EPHA5: variants seen among roughly 807,000 people sequenced by gnomAD.
EPHA5 encodes ephrin type-A receptor 5.
In EPHA5, 60 loss-of-function variants were observed where a neutral mutation model predicts 105.0. That is an observed-to-expected ratio of 0.57 (90% CI 0.46 to 0.71). The LOEUF is 0.71. Ranked by LOEUF, EPHA5 falls within the 30% of genes least tolerant of loss-of-function variation. EPHA5 has a pLI of 0.00. For synonymous variants in EPHA5, 513 were observed against 449.1 expected, an observed-to-expected ratio of 1.14 and a Z score of -1.80; for missense variants, 1,218 against 1,274.7, an observed-to-expected ratio of 0.96 and a Z score of 0.68.
chr4:65,551,430 C>T (rs1422656720), intron 3 of EPHA5, among the ~76,000 whole-genome samples: 2 of 151,804 alleles, frequency 1.3e-5, no homozygotes, highest in African/African-American at 2.4e-5. Flanking sequence ...GTATATCTAA[C>T]CTTTGAAAAA....
intron 5 of EPHA5, among the ~76,000 whole-genome samples, chr4:65,438,929 T>C (rs1264989566): frequency 6.6e-6 from 1 of 151,856 alleles, no homozygotes; most frequent in Non-Finnish European, 1.5e-5. Context: ...AATATAAGGG[T>C]TGAGGCAGTT....
intron 3 of EPHA5, among the ~76,000 whole-genome samples, chr4:65,504,774 T>A (rs916593749): frequency 6.6e-6 from 1 of 151,978 alleles, no homozygotes; most frequent in Non-Finnish European, 1.5e-5. Flanking sequence ...AGCCACATGA[T>A]TTCAGCCATT....
At chr4:65,574,641 C>A (rs1040139119) in intron 3 of EPHA5, among the ~76,000 whole-genome samples, 1 of 70,272 alleles carries the variant, frequency 1.4e-5, no homozygotes, top group African/African-American at 4.6e-5. Context: ...TATATATATA[C>A]ACATATATAT....
In EPHA5 at chr4:65,376,792, C is replaced by T. The variant is rs562293174; in HGVS notation, c.1794-9368G>A. On this transcript the variant is annotated intron_variant, in intron 8 of 16. Coordinates refer to ENST00000613740, the MANE Select transcript of EPHA5 (RefSeq NM_001281766.3). ...ACCACAGTAAAAGCCTCAGAAGAGA[C>T]GTATGAATGCTTGACATAGGGATGA... is the stretch of plus-strand genomic sequence containing the variant. Among the ~76,000 whole-genome samples the T allele has an allele frequency of 2.0e-5, 3 of 151,962 alleles. No homozygotes were observed. The East Asian group carries it at 5.9e-4, about 30-fold the overall frequency.
intron 3 of EPHA5, among the ~76,000 whole-genome samples, chr4:65,530,791 C>T (rs547213678): frequency 2.0e-5 from 3 of 152,186 alleles, no homozygotes; most frequent in South Asian, 2.1e-4. Flanking sequence ...CAGCCAGATG[C>T]CTATCCACTA....
intron 2 of EPHA5, among the ~76,000 whole-genome samples, chr4:65,618,534 C>T (rs905832056): frequency 3.9e-5 from 6 of 152,136 alleles, no homozygotes; most frequent in African/African-American, 1.4e-4. Flanking sequence ...TCTGATCACT[C>T]TACAGGATGA....
intron 3 of EPHA5, among the ~76,000 whole-genome samples, chr4:65,583,099 A>G (rs148126358): frequency 1.6e-4 from 25 of 151,788 alleles, no homozygotes; most frequent in African/African-American, 6.0e-4. Context: ...TCATTTAATA[A>G]TATGTTTAAG....
chr4:65,500,576 T>A (rs1242311048), intron 3 of EPHA5, among the ~76,000 whole-genome samples: 1 of 150,802 alleles, frequency 6.6e-6, no homozygotes, highest in Non-Finnish European at 1.5e-5. Flanking sequence ...ACAAATTGCA[T>A]CGATTTTTCG....
chr4:65,586,840 A>G (rs1313596381), intron 3 of EPHA5, among the ~76,000 whole-genome samples: 2 of 152,074 alleles, frequency 1.3e-5, no homozygotes, highest in Non-Finnish European at 2.9e-5. Flanking sequence ...CAGACCTGGC[A>G]TGCAGCTGGG....
Position 65,573,428 on chromosome 4 carries a change from A to AT in EPHA5, c.910+28212_910+28213insA, listed in dbSNP as rs1578459618. ...TCCGTCTCAAAAAAAAAAAAAAAAA[A>AT]AAAAAAAGAAGCTCTTTCCCATCTT... On this transcript the variant is annotated intron_variant, in intron 3 of 16. Coordinates refer to ENST00000613740, the MANE Select transcript of EPHA5 (RefSeq NM_001281766.3). The AT allele has an allele frequency of 8.1e-5, 83 of 1,026,502 alleles. No homozygotes were observed. The Middle Eastern group carries it at 1.0e-3, about 13-fold the overall frequency. The allele number at this position is 1,026,502 out of a possible 1,614,324, so 63.6% of individuals were successfully genotyped here. A position where few individuals can be genotyped will look rare whatever the true frequency, so the allele number is the denominator to read the frequency against.
chr4:65,630,452 A>G (rs7659227), intron 2 of EPHA5, among the ~76,000 whole-genome samples: 51,639 of 151,966 alleles, frequency 0.34, 8,943 homozygotes, highest in African/African-American at 0.39. Context: ...GTGGACAGCC[A>G]ACTTCAAGGG....
chr4:65,475,843 TA>T (rs1303992504), intron 5 of EPHA5, among the ~76,000 whole-genome samples: 1 of 152,066 alleles, frequency 6.6e-6, no homozygotes, highest in African/African-American at 2.4e-5. Flanking sequence ...AACTAGTTTC[TA>T]GGTGAGCAGT....
chr4:65,402,701 CACTA>C (rs995091061), intron 8 of EPHA5, among the ~76,000 whole-genome samples: 39 of 152,156 alleles, frequency 2.6e-4, no homozygotes, highest in African/African-American at 9.2e-4. Flanking sequence ...GAAAGGAAAT[CACTA>C]ACTCTTATCT....
chr4:65,464,922 C>T (rs531178157), intron 5 of EPHA5, among the ~76,000 whole-genome samples: 25 of 151,954 alleles, frequency 1.6e-4, no homozygotes, highest in African/African-American at 5.8e-4. Flanking sequence ...CAGTACTAAT[C>T]ACTAACAATT....
At chr4:65,527,569 A>C (rs1735358872) in intron 3 of EPHA5, among the ~76,000 whole-genome samples, 1 of 152,144 alleles carries the variant, frequency 6.6e-6, no homozygotes, top group Non-Finnish European at 1.5e-5. Flanking sequence ...TTTCTTTTTT[A>C]AATTAGATCT....
At chr4:65,548,854 G>A (rs995497289) in intron 3 of EPHA5, among the ~76,000 whole-genome samples, 1 of 152,110 alleles carries the variant, frequency 6.6e-6, no homozygotes, top group Non-Finnish European at 1.5e-5. Flanking sequence ...GAGTGTTGAG[G>A]TGTCATACAG....
chr4:65,508,513 A>G (rs968305708), intron 3 of EPHA5, among the ~76,000 whole-genome samples: 3 of 152,124 alleles, frequency 2.0e-5, no homozygotes, highest in African/African-American at 4.8e-5. Context: ...AGAAAATCCT[A>G]TGTATCTGAC....
chr4:65,621,233 G>A (rs895165124), intron 2 of EPHA5, among the ~76,000 whole-genome samples: 1 of 152,140 alleles, frequency 6.6e-6, no homozygotes, highest in Non-Finnish European at 1.5e-5. Flanking sequence ...TACACAAATT[G>A]CCTCATTCTT....
chr4:65,331,672 A>G (rs1332835081), intron 16 of EPHA5: 1 of 1,122,746 alleles, frequency 8.9e-7, no homozygotes, highest in Admixed American at 4.8e-5. Context: ...AGTATAAAAA[A>G]ACTTGTCAAG....
Sources: gnomAD v4.1 joint callset for allele counts (sites outside exome capture counted in the v4.1 genomes callset) on GRCh38, gnomAD v4.1.1 for gene constraint, MANE v1.5 for transcripts, NCBI Gene and HGNC (gene_info 2026-07-23, HGNC 2026-07-21) for gene names.